PRDM10: variants seen among roughly 807,000 people sequenced by gnomAD.
The protein encoded by PRDM10 is PR/SET domain 10.
Under a neutral mutation model 133.1 loss-of-function variants are expected in PRDM10, and 65 were observed. The observed-to-expected ratio is 0.49, with a 90% CI of 0.40 to 0.60. The LOEUF (loss-of-function observed/expected upper bound fraction) is 0.60. Ranked by LOEUF, PRDM10 falls within the 20% of genes least tolerant of loss-of-function variation. The pLI is 0.00. For synonymous variants in PRDM10, 582 were observed against 580.4 expected, an observed-to-expected ratio of 1.00 and a Z score of -0.04; for missense variants, 1,137 against 1,507.1, an observed-to-expected ratio of 0.75 and a Z score of 4.07.
At chr11:129,904,772 T>C (rs1427425897) in intron 20 of PRDM10, among the ~76,000 whole-genome samples, 6 of 152,124 alleles carry the variant, frequency 3.9e-5, no homozygotes, top group African/African-American at 1.4e-4. Context: ...AGTGTTGGGA[T>C]TATAGGCGTG....
chr11:129,997,443 G>A (rs573262567), intron 1 of PRDM10, among the ~76,000 whole-genome samples: 12 of 152,248 alleles, frequency 7.9e-5, no homozygotes, highest in African/African-American at 2.4e-4. Flanking sequence ...TGGTGCCCCC[G>A]CATTCCTGCG....
At chr11:129,965,833 C>G (rs1010015008) in intron 1 of PRDM10, among the ~76,000 whole-genome samples, 1 of 152,046 alleles carries the variant, frequency 6.6e-6, no homozygotes, top group Non-Finnish European at 1.5e-5. Flanking sequence ...TGTACAGTAT[C>G]TAAAGTGTGA....
At chr11:130,002,386 G>C (rs1437652516) in intron 1 of PRDM10, among the ~76,000 whole-genome samples, 1 of 152,114 alleles carries the variant, frequency 6.6e-6, no homozygotes, top group Non-Finnish European at 1.5e-5. Context: ...GGCCGGCGCT[G>C]AACGCGGCGC....
rs1431685037 is a variant in PRDM10, at chr11:129,945,555, A to T, written c.521-543T>A. Among the ~76,000 whole-genome samples, 1 of 152,210 alleles carries T rather than the reference A, an allele frequency of 6.6e-6. No individual in the cohort carries two copies. Among genetic ancestry groups the T allele is most frequent in the Admixed American group, 6.5e-5 (1 of 15,288 alleles). On this transcript the variant is annotated intron_variant, in intron 5 of 20. Transcript: ENST00000360871. This position sits in a 1 kb window ranked among gnomAD's most constrained non-coding sequence, Gnocchi z 4.2. ...CTGAGAGTTCAGTGCATACTGTCTG[A>T]TTAGATAATGCTAAAATGAACAAAT...
At chr11:129,910,103 C>T (rs766856580) in intron 19 of PRDM10, among the ~76,000 whole-genome samples, 2 of 152,130 alleles carry the variant, frequency 1.3e-5, no homozygotes, top group Non-Finnish European at 2.9e-5. Context: ...GTGGTGTTAC[C>T]GATACTAATG....
chr11:129,971,315 T>G (rs1174439794), intron 1 of PRDM10, among the ~76,000 whole-genome samples: 2 of 152,178 alleles, frequency 1.3e-5, no homozygotes, highest in African/African-American at 4.8e-5. Context: ...CCCACACGCA[T>G]CCTGCTGATT....
At chr11:129,972,814 C>G (rs908456123) in intron 1 of PRDM10, among the ~76,000 whole-genome samples, 2 of 152,172 alleles carry the variant, frequency 1.3e-5, no homozygotes, top group African/African-American at 4.8e-5. Flanking sequence ...TAGCCCAAGT[C>G]AAGGAAAAGT....
rs752562705 is a variant in PRDM10, at chr11:129,923,214, G to A, written c.2034+34C>T. 2.0e-6 allele frequency: 3 copies of A among 1,531,532 alleles called. No homozygotes were observed. Among genetic ancestry groups the A allele is most frequent in the South Asian group, 1.2e-5 (1 of 81,542 alleles). The allele number at this position is 1,531,532 out of a possible 1,614,324, so 94.9% of individuals were successfully genotyped here. On this transcript the variant is annotated intron_variant, in intron 13 of 20. Transcript: ENST00000360871. The surrounding 1 kb of genome is among the most constrained non-coding windows in gnomAD (Gnocchi z 4.4). ...AGCTTGCTATAATTCCAGTGGCCAC[G>A]AGAACCACCTTGGGCTGTGCCTTGG...
chr11:129,905,899 C>A (rs1024238644), intron 19 of PRDM10, among the ~76,000 whole-genome samples, 158 bp from the exon 20 acceptor site: 1 of 152,174 alleles, frequency 6.6e-6, no homozygotes, highest in Non-Finnish European at 1.5e-5. Flanking sequence ...ATCTCTGCTA[C>A]GAATTGAGAA....
At chr11:129,912,831 G>C (rs1414706830) in intron 17 of PRDM10, among the ~76,000 whole-genome samples, 4 of 151,508 alleles carry the variant, frequency 2.6e-5, no homozygotes, top group African/African-American at 4.9e-5. Flanking sequence ...AGGCTGAGGC[G>C]GGGGGATCAC....
chr11:129,934,757 A>G (rs1950974478), intron 9 of PRDM10, among the ~76,000 whole-genome samples: 1 of 152,216 alleles, frequency 6.6e-6, no homozygotes, highest in African/African-American at 2.4e-5. Flanking sequence ...TGGTTTGATT[A>G]AGTAATTGTA....
At chr11:129,926,867 T>C (rs1396200291) in intron 11 of PRDM10, among the ~76,000 whole-genome samples, 1 of 152,184 alleles carries the variant, frequency 6.6e-6, no homozygotes, top group Admixed American at 6.5e-5. Flanking sequence ...CTCAAAAAAA[T>C]GATTTCAAGG....
intron 4 of PRDM10, among the ~76,000 whole-genome samples, chr11:129,952,294 A>G (rs1351393772): frequency 1.3e-5 from 2 of 152,170 alleles, no homozygotes; most frequent in Non-Finnish European, 2.9e-5. Context: ...GGATTGGCAA[A>G]ATTTGAAAAG....
At chr11:129,983,298 C>CTT (rs71473897) in intron 1 of PRDM10, among the ~76,000 whole-genome samples, 9 of 135,284 alleles carry the variant, frequency 6.7e-5, no homozygotes, top group Admixed American at 7.5e-5. Flanking sequence ...TTTATTTCTC[C>CTT]TTTTTTTTTT....
At position 129,945,309 on chromosome 11, in the gene PRDM10, C is replaced by A. The variant is rs1951370125; in HGVS notation, c.521-297G>T. ...AATAGTGGCCACTAAATTTACAAATCAATTACAACATGTCTGAAGAGTAAA... is the reference window on the plus strand; with the variant it reads ...AATAGTGGCCACTAAATTTACAAATAAATTACAACATGTCTGAAGAGTAAA... On this transcript the variant is annotated intron_variant, in intron 5 of 20. Transcript: ENST00000360871. The surrounding 1 kb of genome is among the most constrained non-coding windows in gnomAD (Gnocchi z 4.2). 6.6e-6 allele frequency among the ~76,000 whole-genome samples: 1 copy of A among 152,098 alleles called. No individual in the cohort carries two copies. The highest frequency in any genetic ancestry group is 1.5e-5 in the Non-Finnish European group (1 of 68,032).
intron 1 of PRDM10, among the ~76,000 whole-genome samples, chr11:129,996,650 G>A (rs7125003): frequency 0.059 from 8,985 of 152,160 alleles, 769 homozygotes; most frequent in African/African-American, 0.19. Flanking sequence ...TAGGAGAGGA[G>A]GGGAAGGAGA....
intron 1 of PRDM10, among the ~76,000 whole-genome samples, chr11:129,991,382 T>C (rs945949566): frequency 2.0e-5 from 3 of 152,154 alleles, no homozygotes; most frequent in Admixed American, 6.6e-5. Flanking sequence ...TTGACAAAAT[T>C]TTAAAACTAT....
rs1306724050 is a variant in PRDM10, at chr11:129,957,327, CT to C, written c.234+418del. Among the ~76,000 whole-genome samples, 49 of 151,308 alleles carry C rather than the reference CT, an allele frequency of 3.2e-4. No homozygotes were observed. In the South Asian group the frequency reaches 0.01, roughly 31 times the overall value. On this transcript the variant is annotated intron_variant, in intron 3 of 20. Transcript: ENST00000360871. ...TTACAAGCTCCTTGAGAGCACAGAT[CT>C]TTTTTTTTGAGACAGAGTTTTGCTC...
rs1483469069 is a variant in PRDM10 at position 129,937,769 on chromosome 11, T to C, written c.967-99A>G. 1.2e-4 allele frequency: 126 copies of C among 1,044,532 alleles called. 1 individual carries two copies. Among genetic ancestry groups the C allele is most frequent in the Non-Finnish European group, 1.1e-5 (8 of 707,216 alleles). The allele number at this position is 1,044,532 out of a possible 1,614,324, so 64.7% of individuals were successfully genotyped here. A position where few individuals can be genotyped will look rare whatever the true frequency, so the allele number is the denominator to read the frequency against. ...CTGCTTACAGGAAACAATTCAGGCT[T>C]TTCCACAGCCCATTAACAATGGAAA... On this transcript the variant is annotated intron_variant, in intron 7 of 20. Transcript: ENST00000360871.
Sources: gnomAD v4.1 joint callset for allele counts (sites outside exome capture counted in the v4.1 genomes callset) on GRCh38, gnomAD v4.1.1 for gene constraint, Gnocchi (gnomAD v3.1) non-coding constraint, MANE v1.5 for transcripts, NCBI Gene and HGNC (gene_info 2026-07-23, HGNC 2026-07-21) for gene names.